The following CDHR3 variants were observed in gnomAD, a reference collection of about 807,000 sequenced individuals.
The protein encoded by CDHR3 is cadherin-related family member 3.
In CDHR3, 79 loss-of-function variants were observed where a neutral mutation model predicts 86.6. That is an observed-to-expected ratio of 0.91 (90% CI 0.76 to 1.10). The LOEUF is 1.10. Ranked by LOEUF, CDHR3 falls within the 50% of genes least tolerant of loss-of-function variation. CDHR3 has a pLI of 0.00. For synonymous variants in CDHR3, 421 were observed against 402.4 expected, an observed-to-expected ratio of 1.05 and a Z score of -0.55; for missense variants, 1,081 against 1,077.6, an observed-to-expected ratio of 1.00 and a Z score of -0.04.
intron 1 of CDHR3, among the ~76,000 whole-genome samples, chr7:105,963,738 G>T (rs193807): frequency 6.6e-6 from 1 of 151,874 alleles, no homozygotes; most frequent in African/African-American, 2.4e-5. Flanking sequence ...CTGGAGGCTC[G>T]TAGGGCAACT....
chr7:105,977,877 A>AG (rs1829067392), intron 2 of CDHR3, among the ~76,000 whole-genome samples: 1 of 152,336 alleles, frequency 6.6e-6, no homozygotes, highest in African/African-American at 2.4e-5. Flanking sequence ...CTGGTGGTGC[A>AG]GGGGGTGGTG....
intron 1 of CDHR3, among the ~76,000 whole-genome samples, chr7:105,969,102 A>AAT (rs1357754228): frequency 2.0e-5 from 3 of 146,768 alleles, no homozygotes; most frequent in African/African-American, 7.6e-5. Context: ...TAAAAATAAA[A>AAT]ATAAAAAAAG....
intron 5 of CDHR3, 136 bp downstream of exon 5, chr7:105,994,981 GATGGT>G (rs1831961915): frequency 1.5e-6 from 1 of 680,294 alleles, no homozygotes. Context: ...TGTAAGTTCA[GATGGT>G]AGTGAACCCC....
At chr7:106,031,825 T>C (rs1250418750) in intron 18 of CDHR3, among the ~76,000 whole-genome samples, 1 of 151,842 alleles carries the variant, frequency 6.6e-6, no homozygotes, top group Non-Finnish European at 1.5e-5. Context: ...ATGAGCCAAC[T>C]GGCCTAAGTC....
rs1238227046 is a variant in CDHR3, at chr7:106,026,676, C to T, written c.2259-6C>T. 6.2e-7 allele frequency: 1 copy of T among 1,613,738 alleles called. No homozygotes were observed. Among genetic ancestry groups the T allele is most frequent in the Non-Finnish European group, 8.5e-7 (1 of 1,179,648 alleles). On this transcript the variant is annotated splice_region_variant and splice_polypyrimidine_tract_variant and intron_variant, in intron 15 of 18. Transcript: ENST00000317716. ...GAATTAATAGCCATTCTTTTTCCCC[C>T]CATAGGACAAAGAAAGGAGGTATGT...
Position 106,001,462 on chromosome 7 carries a change from C to T in CDHR3, c.714C>T (p.Ser238=). The part of the protein sequence containing the change: ...NLNDEVPRFT[S]PTRVYTVLEE... ...TGTGTCTGCTGTATCTCTGTTCCAG[C>T]CCGACACGAGTGTACACAGTCCTGG... The change falls in exon 7 of 19, where the codon AGC becomes AGT. Residue 238 remains serine (S), a splice_region_variant and synonymous_variant. Transcript: ENST00000317716. 6.2e-7 allele frequency: 1 copy of T among 1,613,596 alleles called. No individual in the cohort carries two copies. The highest frequency in any genetic ancestry group is 8.5e-7 in the Non-Finnish European group (1 of 1,179,562).
intron 2 of CDHR3, among the ~76,000 whole-genome samples, chr7:105,980,603 T>A (rs1563238711): frequency 1.4e-4 from 8 of 56,792 alleles, no homozygotes; most frequent in Non-Finnish European, 2.9e-4. Context: ...TTTTTTTTTT[T>A]TTAATTTTTT....
chr7:105,991,617 T>C (rs1831374311), intron 4 of CDHR3, among the ~76,000 whole-genome samples: 1 of 152,266 alleles, frequency 6.6e-6, no homozygotes, highest in South Asian at 2.1e-4. Context: ...AAAAATGTTT[T>C]ACAGGATGGT....
chr7:106,030,879 T>C lies in CDHR3; in HGVS notation c.2353+39T>C. ...AATACCACTGTAAGAATGCTTTTTA[T>C]ATTCCAGACTGGTAGAAGCATGGAG... On this transcript the variant is annotated intron_variant, in intron 18 of 18. Coordinates refer to ENST00000317716, the MANE Select transcript of CDHR3 (RefSeq NM_152750.5). The surrounding 1 kb of genome is among the most constrained non-coding windows in gnomAD (Gnocchi z 4.8). 6.4e-7 allele frequency: 1 copy of C among 1,554,156 alleles called. No homozygotes were observed. The highest frequency in any genetic ancestry group is 2.3e-5 in the East Asian group (1 of 44,026).
At chr7:106,028,989 T>TTTCTTTCTTTC (rs1837907873) in intron 17 of CDHR3, among the ~76,000 whole-genome samples, 2 of 149,992 alleles carry the variant, frequency 1.3e-5, no homozygotes, top group South Asian at 4.2e-4. Flanking sequence ...TCTTTCTTTC[T>TTTCTTTCTTTC]TTCTTTTTAA....
At chr7:105,986,082 AAAG>A (rs1421511341) in intron 4 of CDHR3, among the ~76,000 whole-genome samples, 1 of 152,226 alleles carries the variant, frequency 6.6e-6, no homozygotes, top group Middle Eastern at 3.2e-3. Flanking sequence ...CAAGAAAAAG[AAAG>A]AAGCAACCAG....
At chr7:105,986,804 G>T (rs138588966) in intron 4 of CDHR3, among the ~76,000 whole-genome samples, 1 of 152,128 alleles carries the variant, frequency 6.6e-6, no homozygotes, top group Admixed American at 6.5e-5. Context: ...GTAGGTCAGA[G>T]AATTCCTTTA....
intron 4 of CDHR3, among the ~76,000 whole-genome samples, chr7:105,991,309 T>C (rs1262861780): frequency 2.0e-5 from 3 of 152,298 alleles, no homozygotes; most frequent in African/African-American, 7.2e-5. Context: ...GGATATTATC[T>C]CCTCTCTAAG....
rs142826585 is a variant in CDHR3, at chr7:105,983,512, C to T, written c.416-680C>T. ...ATGTTAAGTCCTCAGCACGGTGCCC[C>T]CCAATAGAGTGAGTTACTTTTCATA... On this transcript the variant is annotated intron_variant, in intron 3 of 18. Transcript: ENST00000317716. Among the ~76,000 whole-genome samples the T allele has an allele frequency of 3.7e-3, 560 of 152,206 alleles. 8 individuals are homozygous for T. The highest frequency in any genetic ancestry group is 0.013 in the African/African-American group (531 of 41,530).
intron 2 of CDHR3, among the ~76,000 whole-genome samples, chr7:105,979,119 G>A (rs41268): frequency 0.76 from 114,928 of 152,112 alleles, 44,721 homozygotes; most frequent in East Asian, 0.86. Context: ...CCATAGATTA[G>A]CTCATCGAAT....
At chr7:106,028,915 A>ATTTTCTTTCTTTCTTTCTTT (rs1563311661) in intron 17 of CDHR3, among the ~76,000 whole-genome samples, 1 of 115,306 alleles carries the variant, frequency 8.7e-6, no homozygotes, top group African/African-American at 3.3e-5. Flanking sequence ...TGAGATTTAA[A>ATTTTCTTTCTTTCTTTCTTT]TTTTCTTTCT....
intron 9 of CDHR3, 24 bp from the exon 10 acceptor site, chr7:106,015,087 T>A (rs1485094376): frequency 4.5e-6 from 7 of 1,541,968 alleles, no homozygotes; most frequent in Non-Finnish European, 6.2e-6. Context: ...ATCTGTATAA[T>A]CTACTATCTC....
At chr7:106,020,682 TC>T in intron 13 of CDHR3, 138 bp downstream of exon 13, 1 of 926,748 alleles carries the variant, frequency 1.1e-6, no homozygotes, top group East Asian at 2.6e-5. Flanking sequence ...TGAGATAGGG[TC>T]TTGCTATGCT....
chr7:106,026,597 TG>T (rs1837373260), intron 15 of CDHR3, 84 bp from the exon 16 acceptor site: 1 of 1,426,984 alleles, frequency 7.0e-7, no homozygotes, highest in Admixed American at 1.7e-5. Flanking sequence ...AGGGCATAGT[TG>T]CCCAAAGAAC....
Sources: allele counts gnomAD v4.1 joint callset (sites outside exome capture counted in the v4.1 genomes callset), GRCh38; gene constraint gnomAD v4.1.1; non-coding constraint Gnocchi (gnomAD v3.1); transcripts MANE v1.5; gene names NCBI Gene and HGNC (gene_info 2026-07-23, HGNC 2026-07-21).